Variants in RPS6KA6 observed in about 807,000 individuals in gnomAD.
RPS6KA6 encodes ribosomal protein S6 kinase A6.
In RPS6KA6, 27 loss-of-function variants were observed where a neutral mutation model predicts 65.4. That is an observed-to-expected ratio of 0.41 (90% CI 0.30 to 0.57). The LOEUF (loss-of-function observed/expected upper bound fraction) is 0.57, where lower values mean the gene tolerates loss of function less well. Ranked by LOEUF, RPS6KA6 falls within the 20% of genes least tolerant of loss-of-function variation. The pLI, the probability that RPS6KA6 is intolerant of heterozygous loss-of-function variation, is 0.24. For missense variants in RPS6KA6, 486 were observed against 555.6 expected (o/e 0.87, Z 1.26); for synonymous variants, 190 against 184.2 (o/e 1.03, Z -0.26).
chrX:84,108,536 G>A (rs2034406760), intron 12 of RPS6KA6, among the ~76,000 whole-genome samples: 1 of 111,900 alleles, frequency 8.9e-6, no homozygotes, highest in African/African-American at 3.2e-5. Context: ...GGTGAACTGA[G>A]ACTGGTGTGG....
chrX:84,158,789 C>T (rs755075048), intron 2 of RPS6KA6, among the ~76,000 whole-genome samples: 1 of 111,476 alleles, frequency 9.0e-6, no homozygotes, highest in South Asian at 3.8e-4. Flanking sequence ...TGCCTTTACA[C>T]AGACAATTTG....
intron 9 of RPS6KA6, among the ~76,000 whole-genome samples, chrX:84,118,032 CAA>C (rs779257325): frequency 9.0e-6 from 1 of 110,965 alleles, no homozygotes; most frequent in East Asian, 2.8e-4. Flanking sequence ...AACATTTTCT[CAA>C]AGAGAACTGA....
chrX:84,186,219 C>T, intron 1 of RPS6KA6: 1 of 436,994 alleles, frequency 2.3e-6, no homozygotes. Context: ...TTAAAACATA[C>T]TACATTCAAA....
At chrX:84,091,798 C>T (rs886958544) in intron 20 of RPS6KA6, among the ~76,000 whole-genome samples, 17 of 111,709 alleles carry the variant, frequency 1.5e-4, no homozygotes, top group African/African-American at 5.2e-4. Context: ...ACCCATATGC[C>T]CATCAATGAT....
At chrX:84,085,470 A>G in intron 20 of RPS6KA6, among the ~76,000 whole-genome samples, 1 of 112,078 alleles carries the variant, frequency 8.9e-6, no homozygotes, top group Non-Finnish European at 1.9e-5. Context: ...TGTCTATGTG[A>G]TGAATCACAT....
chrX:84,178,306 G>C (rs1381621476), intron 1 of RPS6KA6, among the ~76,000 whole-genome samples: 2 of 111,292 alleles, frequency 1.8e-5, no homozygotes, highest in African/African-American at 6.5e-5. Flanking sequence ...GTACAAATAT[G>C]GGGGAGGAGA....
intron 2 of RPS6KA6, among the ~76,000 whole-genome samples, chrX:84,157,811 A>G (rs1228093491): frequency 9.0e-6 from 1 of 111,058 alleles, no homozygotes; most frequent in Non-Finnish European, 1.9e-5. Context: ...TACTATAGTT[A>G]GTTTCACCAA....
chrX:84,097,551 G>A (rs960024993), intron 19 of RPS6KA6, among the ~76,000 whole-genome samples: 4 of 111,140 alleles, frequency 3.6e-5, no homozygotes, highest in African/African-American at 1.3e-4. Flanking sequence ...TTAGTTCTGG[G>A]TGACAACTGC....
intron 20 of RPS6KA6, among the ~76,000 whole-genome samples, chrX:84,077,713 A>G (rs1179261041): frequency 8.9e-6 from 1 of 112,154 alleles, no homozygotes; most frequent in African/African-American, 3.2e-5. Flanking sequence ...TACACCTTGA[A>G]AAATACAGAC....
intron 1 of RPS6KA6, among the ~76,000 whole-genome samples, chrX:84,183,709 G>A (rs368816347): frequency 9.0e-6 from 1 of 110,814 alleles, no homozygotes; most frequent in South Asian, 3.8e-4. Flanking sequence ...CGTGAAATAT[G>A]CTCCTTTCAT....
chrX:84,187,842 C>T lies in RPS6KA6; in HGVS notation c.58G>A (p.Gly20Ser), dbSNP rs781150184. The stretch of plus-strand genomic sequence containing the variant: ...ACCTCGCCGCTGCTCGCGCCGCCGC[C>T]GCTGAACACTTCCATTTCTCGGTCC... ...PWDREMEVFS[G>S]GGASSGEVNG... The change falls in exon 1 of 22, where the codon GGC becomes AGC. Residue 20 changes from glycine to serine, a missense_variant. Physicochemically the swap from Gly to Ser is moderately conservative, Grantham distance 56. This residue lies in a region of RPS6KA6 where 106 missense variants were observed against 105.0 expected (regional missense o/e 1.01). Coordinates refer to ENST00000262752, the MANE Select transcript of RPS6KA6 (RefSeq NM_014496.5). 1.5e-5 allele frequency: 18 copies of T among 1,204,365 alleles called. No homozygotes were observed. The highest frequency in any genetic ancestry group is 1.9e-5 in the Non-Finnish European group (17 of 892,471).
rs749332228 is a variant in RPS6KA6 at position 84,065,118 on chromosome X, TA to T, written c.1972-8del. ...GCATATGGGAAAGCAAATCCTAAAT[TA>T]AAAAAAATGTGTGTGTATATATATA... On this transcript the variant is annotated splice_region_variant and splice_polypyrimidine_tract_variant and intron_variant, in intron 20 of 21. Coordinates refer to ENST00000262752, the MANE Select transcript of RPS6KA6 (RefSeq NM_014496.5). The T allele has an allele frequency of 5.5e-5, 63 of 1,154,169 alleles. No homozygotes were observed. The highest frequency in any genetic ancestry group is 6.5e-5 in the Non-Finnish European group (56 of 855,658).
intron 20 of RPS6KA6, among the ~76,000 whole-genome samples, chrX:84,075,200 C>G (rs1440345349): frequency 9.0e-6 from 1 of 111,167 alleles, no homozygotes; most frequent in Non-Finnish European, 1.9e-5. Context: ...CCACTGCACT[C>G]CAGCCTGGGA....
chrX:84,154,582 A>G (rs984375286), intron 3 of RPS6KA6, among the ~76,000 whole-genome samples: 3 of 111,517 alleles, frequency 2.7e-5, no homozygotes, highest in African/African-American at 9.8e-5. Flanking sequence ...ACTTTTAGAA[A>G]CTTTAAAATA....
chrX:84,156,030 A>T (rs1212126434), intron 3 of RPS6KA6, 45 bp downstream of exon 3: 3 of 748,667 alleles, frequency 4.0e-6, no homozygotes, highest in Admixed American at 4.9e-5. Flanking sequence ...TTTTTTTGCT[A>T]AATGTTTAGA....
intron 3 of RPS6KA6, among the ~76,000 whole-genome samples, chrX:84,155,378 T>C (rs2035398268): frequency 9.0e-6 from 1 of 111,672 alleles, no homozygotes; most frequent in Admixed American, 9.6e-5. Context: ...GCTGTTTTTC[T>C]AAAGGCTGTT....
At chrX:84,167,542 G>A (rs199781424) in intron 1 of RPS6KA6, among the ~76,000 whole-genome samples, 1 of 111,126 alleles carries the variant, frequency 9.0e-6, no homozygotes, top group East Asian at 2.8e-4. Flanking sequence ...GGGGGTAGAG[G>A]AAGACGAGTA....
intron 3 of RPS6KA6, among the ~76,000 whole-genome samples, chrX:84,149,881 G>A (rs768783121): frequency 3.6e-5 from 4 of 111,744 alleles, no homozygotes; most frequent in South Asian, 7.5e-4. Flanking sequence ...GAAGCTAGGC[G>A]CTGACTTCGC....
intron 2 of RPS6KA6, among the ~76,000 whole-genome samples, chrX:84,160,220 ATAAAG>A (rs973529724): frequency 5.4e-5 from 6 of 111,598 alleles, no homozygotes; most frequent in African/African-American, 2.0e-4. Flanking sequence ...TTTTGCGACC[ATAAAG>A]TAATCAGTGA....
Sources: gnomAD v4.1 joint callset for allele counts (sites outside exome capture counted in the v4.1 genomes callset) on GRCh38, gnomAD v4.1.1 for gene constraint, gnomAD v4.1.1 regional missense constraint, MANE v1.5 for transcripts, NCBI Gene and HGNC (gene_info 2026-07-23, HGNC 2026-07-21) for gene names.